Variants in SGCD observed in about 807,000 individuals in gnomAD.
The protein encoded by SGCD is sarcoglycan delta, also known as delta-sarcoglycan.
In SGCD, 18 loss-of-function variants were observed where a neutral mutation model predicts 36.6. The observed-to-expected ratio is 0.49, with a 90% CI of 0.34 to 0.73. The LOEUF (loss-of-function observed/expected upper bound fraction) is 0.73. Among genes scored for constraint, SGCD ranks in the 30% least tolerant of loss-of-function variants. The pLI is 0.01. For synonymous variants in SGCD, 133 were observed against 130.6 expected (o/e 1.02, Z -0.12); for missense variants, 387 against 346.7 (o/e 1.12, Z -0.92).
intron 3 of SGCD, among the ~76,000 whole-genome samples, chr5:156,201,377 A>C (rs1238195942): frequency 6.6e-6 from 1 of 152,166 alleles, no homozygotes; most frequent in Non-Finnish European, 1.5e-5. Context: ...ATCTTTGTGC[A>C]AGCTGTAGCC....
At chr5:155,848,049 T>C in the SGCD span, among the ~76,000 whole-genome samples, 1 of 152,146 alleles carries the variant, frequency 6.6e-6, no homozygotes, top group South Asian at 2.1e-4. Context: ...TCAATTAATT[T>C]TAGATGATTG....
chr5:156,663,513 T>G (rs1342016779), intron 7 of SGCD, among the ~76,000 whole-genome samples: 4 of 148,908 alleles, frequency 2.7e-5, no homozygotes, highest in African/African-American at 1.0e-4. Flanking sequence ...CCACCCTTAA[T>G]ATATGGCAGG....
intron 7 of SGCD, among the ~76,000 whole-genome samples, chr5:156,696,474 C>T (rs990313465): frequency 6.6e-6 from 1 of 152,148 alleles, no homozygotes; most frequent in South Asian, 2.1e-4. Flanking sequence ...GAGGGCTTAA[C>T]AGAAAACAAA....
At chr5:155,733,501 A>C in the SGCD span, among the ~76,000 whole-genome samples, 198 of 151,908 alleles carry the variant, frequency 1.3e-3, no homozygotes, top group Non-Finnish European at 2.4e-3. Flanking sequence ...CAAGGGTGGT[A>C]ATTGAGCCTT....
chr5:155,891,556 C>CTTTTT (rs1561640647), intron 1 of SGCD, among the ~76,000 whole-genome samples: 1 of 16,560 alleles, frequency 6.0e-5, no homozygotes, highest in Non-Finnish European at 1.2e-4. Context: ...AAAATAAATA[C>CTTTTT]TCTTTTTTTT....
rs182849093 is a variant in SGCD, at chr5:155,970,506, G to A, written c.-282+100082G>A. The stretch of plus-strand genomic sequence containing the variant: ...CTGGCATTGTAAAGGATTTACTTCA[G>A]TGAAGAGTCCCAGACAACAAATAGA... On this transcript the variant is annotated intron_variant, in intron 1 of 9. Transcript: ENST00000517913. 1.5e-3 allele frequency among the ~76,000 whole-genome samples: 228 copies of A among 152,260 alleles called. 3 individuals are homozygous for A. Among genetic ancestry groups the A allele is most frequent in the African/African-American group, 5.4e-3 (223 of 41,574 alleles).
chr5:155,739,641 A>G, the SGCD span, among the ~76,000 whole-genome samples: 2 of 152,210 alleles, frequency 1.3e-5, no homozygotes, highest in Admixed American at 1.3e-4. Context: ...AGTTTGAAAA[A>G]AGTGTAAATA....
intron 6 of SGCD, among the ~76,000 whole-genome samples, chr5:156,616,668 A>C (rs1250341305): frequency 6.6e-6 from 1 of 152,190 alleles, no homozygotes; most frequent in Non-Finnish European, 1.5e-5. Context: ...CCTCTTTTCC[A>C]AGATGTACTA....
chr5:156,227,537 T>C (rs1000176595), intron 3 of SGCD, among the ~76,000 whole-genome samples: 4 of 152,212 alleles, frequency 2.6e-5, no homozygotes, highest in African/African-American at 9.6e-5. Flanking sequence ...GGTAATGTGA[T>C]GCCTCTAGAT....
chr5:156,461,055 A>G (rs2127817252), intron 3 of SGCD, among the ~76,000 whole-genome samples: 1 of 152,300 alleles, frequency 6.6e-6, no homozygotes, highest in Non-Finnish European at 1.5e-5. Context: ...ATACTTTAGA[A>G]GCTGCTCACA....
At chr5:156,233,307 A>C (rs944808797) in intron 3 of SGCD, among the ~76,000 whole-genome samples, 1 of 152,258 alleles carries the variant, frequency 6.6e-6, no homozygotes, top group African/African-American at 2.4e-5. Flanking sequence ...GATAGATGTT[A>C]TATTCGAAAG....
intron 3 of SGCD, among the ~76,000 whole-genome samples, chr5:156,474,602 G>T (rs1755104142): frequency 6.6e-6 from 1 of 152,244 alleles, no homozygotes; most frequent in African/African-American, 2.4e-5. Flanking sequence ...GAAAGAGGCA[G>T]CCAGCTGGGT....
the SGCD span, among the ~76,000 whole-genome samples, chr5:155,805,546 A>T: frequency 6.6e-6 from 1 of 152,216 alleles, no homozygotes; most frequent in Non-Finnish European, 1.5e-5. Context: ...TATGTTTAGC[A>T]GCATCTCTGG....
chr5:155,794,543 C>G, the SGCD span, among the ~76,000 whole-genome samples: 2 of 151,698 alleles, frequency 1.3e-5, no homozygotes, highest in African/African-American at 4.8e-5. Flanking sequence ...ATTAATTATT[C>G]CATAAATAAA....
At position 156,458,586 on chromosome 5, in the gene SGCD, A is replaced by T. The variant is rs541473415; in HGVS notation, c.193-50015A>T. On this transcript the variant is annotated intron_variant, in intron 3 of 8. Coordinates refer to ENST00000337851, the MANE Select transcript of SGCD (RefSeq NM_000337.6). Reference sequence around the variant, plus strand: ...GTCAAAATTCAGCACCTTGATTAACATCTCTAAACCTCAGATTTTTATTTG... The same window carrying T: ...GTCAAAATTCAGCACCTTGATTAACTTCTCTAAACCTCAGATTTTTATTTG... 6.2e-5 allele frequency: 50 copies of T among 805,276 alleles called. No individual in the cohort carries two copies. The African/African-American group carries it at 6.9e-4, about 11-fold the overall frequency. The allele number at this position is 805,276 out of a possible 1,614,324, so 49.9% of individuals were successfully genotyped here.
At chr5:156,633,922 A>T (rs1238339157) in intron 6 of SGCD, among the ~76,000 whole-genome samples, 1 of 152,102 alleles carries the variant, frequency 6.6e-6, no homozygotes, top group East Asian at 1.9e-4. Context: ...GGGCACAGAA[A>T]TCTTTGCTGA....
intron 3 of SGCD, among the ~76,000 whole-genome samples, chr5:156,181,229 A>G (rs1006529014): frequency 6.6e-6 from 1 of 152,174 alleles, no homozygotes; most frequent in African/African-American, 2.4e-5. Flanking sequence ...AGCATCAGAA[A>G]ACATCTAATA....
chr5:156,730,528 C>T (rs1267502338), intron 7 of SGCD, among the ~76,000 whole-genome samples: 1 of 152,144 alleles, frequency 6.6e-6, no homozygotes, highest in Non-Finnish European at 1.5e-5. Context: ...CCTCCAGCTC[C>T]ATCCATATTC....
intron 7 of SGCD, among the ~76,000 whole-genome samples, chr5:156,676,695 C>T (rs1258627233): frequency 1.3e-5 from 2 of 152,176 alleles, no homozygotes; most frequent in Non-Finnish European, 2.9e-5. Context: ...AATGTCATTT[C>T]ACAAGGTGAA....
Sources: gnomAD v4.1 joint callset for allele counts (sites outside exome capture counted in the v4.1 genomes callset) on GRCh38, gnomAD v4.1.1 for gene constraint, MANE v1.5 for transcripts, NCBI Gene and HGNC (gene_info 2026-07-23, HGNC 2026-07-21) for gene names.